DCT: variants seen among roughly 807,000 people sequenced by gnomAD.
DCT encodes the protein L-dopachrome tautomerase.
Under a neutral mutation model 53.0 loss-of-function variants are expected in DCT, and 47 were observed. That is an observed-to-expected ratio of 0.89 (90% CI 0.70 to 1.13). DCT has a LOEUF of 1.13. Ranked by LOEUF, DCT falls within the 50% of genes most tolerant of loss-of-function variation. DCT has a pLI of 0.00. For missense variants in DCT, 669 were observed against 637.4 expected (o/e 1.05, Z -0.53); for synonymous variants, 244 against 237.0 (o/e 1.03, Z -0.27).
the DCT span, among the ~76,000 whole-genome samples, chr13:94,522,078 T>A: frequency 6.6e-6 from 1 of 152,242 alleles, no homozygotes; most frequent in Non-Finnish European, 1.5e-5. Flanking sequence ...GACTTATTCC[T>A]TTTTATGGCT....
intron 7 of DCT, among the ~76,000 whole-genome samples, chr13:94,442,181 C>G (rs572602153): frequency 2.0e-5 from 3 of 152,282 alleles, no homozygotes; most frequent in African/African-American, 7.2e-5. Flanking sequence ...TTGAAAGACT[C>G]AGGTCAAAGA....
chr13:94,443,903 C>G (rs1229309633), intron 6 of DCT, among the ~76,000 whole-genome samples: 2 of 152,154 alleles, frequency 1.3e-5, no homozygotes, highest in East Asian at 3.9e-4. Flanking sequence ...CCAAGCAGGA[C>G]TATAAACCCC....
the DCT span, among the ~76,000 whole-genome samples, chr13:94,492,719 A>T: frequency 6.6e-6 from 1 of 152,196 alleles, no homozygotes; most frequent in African/African-American, 2.4e-5. Context: ...AGAAAAACTG[A>T]AGAACACAAA....
intron 4 of DCT, among the ~76,000 whole-genome samples, chr13:94,464,831 C>T (rs1207788821): frequency 6.6e-6 from 1 of 152,120 alleles, no homozygotes; most frequent in Non-Finnish European, 1.5e-5. Flanking sequence ...AGGCCACTGA[C>T]CTGTGTATGG....
At chr13:94,443,414 A>C (rs756224656) in intron 7 of DCT, 22 bp downstream of exon 7, 5 of 1,570,894 alleles carry the variant, frequency 3.2e-6, no homozygotes, top group Non-Finnish European at 4.4e-6. Context: ...TGAATCACCC[A>C]TTTGGAAGTT....
intron 3 of DCT, among the ~76,000 whole-genome samples, chr13:94,466,016 A>ATATATATATAC (rs1566840946): frequency 1.2e-5 from 1 of 80,996 alleles, no homozygotes; most frequent in Non-Finnish European, 2.5e-5. Flanking sequence ...ATATATATAT[A>ATATATATATAC]TATATATACT....
At chr13:94,480,770 T>C, upstream of DCT, among the ~76,000 whole-genome samples, 1 of 152,226 alleles carries the variant, frequency 6.6e-6, no homozygotes, top group Admixed American at 6.5e-5. Flanking sequence ...GCAATTCTAA[T>C]GCTCAGCCAG....
At chr13:94,460,790 A>G (rs1267523190) in intron 5 of DCT, among the ~76,000 whole-genome samples, 1 of 152,208 alleles carries the variant, frequency 6.6e-6, no homozygotes, top group African/African-American at 2.4e-5. Context: ...AAAATTTTCT[A>G]CCACCATAGA....
the DCT span, among the ~76,000 whole-genome samples, chr13:94,532,964 C>T: frequency 6.6e-6 from 1 of 152,292 alleles, no homozygotes; most frequent in South Asian, 2.1e-4. Flanking sequence ...ATTTATTTGG[C>T]TTAACCCATC....
In DCT at chr13:94,479,413, A is replaced by C. The variant is rs1885338434; in HGVS notation, c.-158T>G. 1.7e-5 allele frequency: 12 copies of C among 703,412 alleles called. No individual in the cohort carries two copies. In the Middle Eastern group the frequency reaches 2.4e-3, roughly 142 times the overall value. The allele number at this position is 703,412 out of a possible 1,614,324, so 43.6% of individuals were successfully genotyped here. A position where few individuals can be genotyped will look rare whatever the true frequency, so the allele number is the denominator to read the frequency against. On this transcript the variant is annotated 5_prime_UTR_variant, in exon 1 of 8. Transcript: ENST00000377028. Reference sequence around the variant, plus strand: ...TCTTAAAAAAATACCCACAAGAATCACAGAGGTTACATGTGTGCACATGTG... The same window carrying C: ...TCTTAAAAAAATACCCACAAGAATCCCAGAGGTTACATGTGTGCACATGTG...
chr13:94,460,633 G>GACTCCC (rs1213553891), intron 5 of DCT, among the ~76,000 whole-genome samples: 1 of 151,946 alleles, frequency 6.6e-6, no homozygotes, highest in Non-Finnish European at 1.5e-5. Context: ...CCTTCAGCTT[G>GACTCCC]ACTGAAGGTC....
At position 94,467,000 on chromosome 13, in the gene DCT, T is replaced by A. The variant is rs145806359; in HGVS notation, c.596-342A>T. Reference sequence around the variant, plus strand: ...GAAATAGACTATCCAAAAGAATAGATCATTAAGACCTAAAGGAAATATATT... The same window carrying A: ...GAAATAGACTATCCAAAAGAATAGAACATTAAGACCTAAAGGAAATATATT... On this transcript the variant is annotated intron_variant, in intron 2 of 7. Coordinates refer to ENST00000377028, the MANE Select transcript of DCT (RefSeq NM_001922.5). 59 of 162,564 alleles carry A rather than the reference T, an allele frequency of 3.6e-4. No individual in the cohort carries two copies. The East Asian group carries it at 8.8e-3, about 24-fold the overall frequency. The allele number at this position is 162,564 out of a possible 1,614,324, so 10.1% of individuals were successfully genotyped here.
At chr13:94,507,215 A>G in the DCT span, among the ~76,000 whole-genome samples, 1 of 152,224 alleles carries the variant, frequency 6.6e-6, no homozygotes, top group South Asian at 2.1e-4. Context: ...CTAATTTCCT[A>G]CCTTTGATAA....
At chr13:94,480,487 C>G (rs549453745), upstream of DCT, among the ~76,000 whole-genome samples, 1 of 152,120 alleles carries the variant, frequency 6.6e-6, no homozygotes. Flanking sequence ...CACAAGGATG[C>G]GAAACGGCTT....
At chr13:94,523,113 G>A in the DCT span, among the ~76,000 whole-genome samples, 2 of 152,194 alleles carry the variant, frequency 1.3e-5, no homozygotes, top group Admixed American at 1.3e-4. Context: ...TTCTACTGGG[G>A]ATGACCCACT....
At chr13:94,507,237 T>G in the DCT span, among the ~76,000 whole-genome samples, 1 of 152,164 alleles carries the variant, frequency 6.6e-6, no homozygotes, top group Admixed American at 6.5e-5. Flanking sequence ...TATACTAGGG[T>G]TATGTAAAGT....
chr13:94,442,725 G>T (rs773492372), intron 7 of DCT, among the ~76,000 whole-genome samples: 1 of 152,186 alleles, frequency 6.6e-6, no homozygotes, highest in Non-Finnish European at 1.5e-5. Context: ...AGCCCAATCT[G>T]TTGGTAGACC....
chr13:94,447,751 C>T (rs764966661), intron 6 of DCT, among the ~76,000 whole-genome samples: 1 of 152,206 alleles, frequency 6.6e-6, no homozygotes, highest in Non-Finnish European at 1.5e-5. Context: ...ACTATCAGGA[C>T]ACAAGGAAGA....
At chr13:94,469,625 G>A (rs73555877) in intron 1 of DCT, among the ~76,000 whole-genome samples, 3,364 of 152,182 alleles carry the variant, frequency 0.022, 123 homozygotes, top group African/African-American at 0.077. Flanking sequence ...ATGTTGTTAC[G>A]GCAGCAGTAG....
Sources: allele counts gnomAD v4.1 joint callset (sites outside exome capture counted in the v4.1 genomes callset), GRCh38; gene constraint gnomAD v4.1.1; transcripts MANE v1.5; gene names NCBI Gene and HGNC (gene_info 2026-07-23, HGNC 2026-07-21).